The following RAB10 variants were observed in gnomAD, a reference collection of about 807,000 sequenced individuals.
The protein encoded by RAB10 is ras-related protein Rab-10.
Under a neutral mutation model 25.7 loss-of-function variants are expected in RAB10, and 5 were observed. The ratio of observed to expected loss-of-function variants is 0.19; its 90% CI spans 0.10 to 0.41. RAB10 has a LOEUF of 0.41. Among genes scored for constraint, RAB10 ranks in the 10% least tolerant of loss-of-function variants. RAB10 has a pLI of 1.00. For synonymous variants in RAB10, 89 were observed against 86.4 expected (o/e 1.03, Z -0.16); for missense variants, 103 against 245.8 (o/e 0.42, Z 3.89).
At chr2:26,078,617 G>GTT (rs1331606592) in intron 1 of RAB10, among the ~76,000 whole-genome samples, 2 of 152,116 alleles carry the variant, frequency 1.3e-5, no homozygotes, top group African/African-American at 2.4e-5. Context: ...AAAGAGGGGA[G>GTT]GGGTTGCGGA....
chr2:26,135,254 T>A lies in RAB10; in HGVS notation c.*233T>A, dbSNP rs1165787003. 2.2e-6 allele frequency: 1 copy of A among 456,070 alleles called. No homozygotes were observed. Among genetic ancestry groups the A allele is most frequent in the Non-Finnish European group, 3.9e-6 (1 of 256,234 alleles). 28.3% of individuals were successfully genotyped at this position (456,070 alleles called of 1,614,324 possible). ...TCATGTCTGTGAGTTCATTTTTAAA[T>A]GTACTTGCTCAGCTCAACTGCATTT... is the stretch of plus-strand genomic sequence containing the variant. On this transcript the variant is annotated 3_prime_UTR_variant, in exon 6 of 6. Coordinates refer to ENST00000264710, the MANE Select transcript of RAB10 (RefSeq NM_016131.5).
In RAB10 at chr2:26,062,511, C is replaced by T. The variant is rs184889025; in HGVS notation, c.127+27776C>T. Among the ~76,000 whole-genome samples the T allele has an allele frequency of 2.4e-4, 36 of 151,980 alleles. No individual in the cohort carries two copies. The East Asian group carries it at 6.6e-3, about 28-fold the overall frequency. ...TGGTCAACCTGGTGAGACCCCAACT[C>T]TACTAAAAATACAAAAATAAGCTGG... On this transcript the variant is annotated intron_variant, in intron 1 of 5. Coordinates refer to ENST00000264710, the MANE Select transcript of RAB10 (RefSeq NM_016131.5).
chr2:26,049,110 AAGTTTTAT>A (rs963272594), intron 1 of RAB10, among the ~76,000 whole-genome samples: 4 of 151,580 alleles, frequency 2.6e-5, no homozygotes, highest in African/African-American at 9.7e-5. Flanking sequence ...GTTTTCCTAA[AAGTTTTAT>A]AGTTTTATAT....
intron 2 of RAB10, among the ~76,000 whole-genome samples, chr2:26,104,799 G>A (rs1432121127): frequency 1.3e-5 from 2 of 150,232 alleles, no homozygotes; most frequent in African/African-American, 4.9e-5. Flanking sequence ...ATGCAGTGGC[G>A]CTATCTCGGC....
At chr2:26,096,682 C>G (rs2149279442) in intron 1 of RAB10, among the ~76,000 whole-genome samples, 1 of 152,190 alleles carries the variant, frequency 6.6e-6, no homozygotes, top group South Asian at 2.1e-4. Flanking sequence ...TGAAACAATG[C>G]TTGAATTTTG....
intron 1 of RAB10, among the ~76,000 whole-genome samples, chr2:26,047,346 C>G (rs1044857295): frequency 6.7e-6 from 1 of 150,340 alleles, no homozygotes; most frequent in African/African-American, 2.5e-5. Flanking sequence ...GGCTCCCCCC[C>G]ACCCCCCAAC....
chr2:26,086,441 C>T (rs1297643634), intron 1 of RAB10, among the ~76,000 whole-genome samples: 2 of 152,132 alleles, frequency 1.3e-5, no homozygotes, highest in Non-Finnish European at 2.9e-5. Flanking sequence ...TATTTAAAAA[C>T]ACAAAAGGAA....
chr2:26,039,047 T>G (rs1665828945), intron 1 of RAB10, among the ~76,000 whole-genome samples: 2 of 142,010 alleles, frequency 1.4e-5, no homozygotes, highest in East Asian at 2.2e-4. Flanking sequence ...AGATATAGAG[T>G]CTTGTTCTGT....
intron 2 of RAB10, among the ~76,000 whole-genome samples, chr2:26,109,157 G>A (rs935309322): frequency 1.3e-5 from 2 of 151,914 alleles, no homozygotes; most frequent in Non-Finnish European, 2.9e-5. Context: ...TGATCTACAC[G>A]CCTCAGCCTC....
At chr2:26,054,775 T>C (rs1218693937) in intron 1 of RAB10, among the ~76,000 whole-genome samples, 3 of 152,170 alleles carry the variant, frequency 2.0e-5, no homozygotes, top group Non-Finnish European at 4.4e-5. Context: ...TGTTTTTATA[T>C]CTCTCAAGAG....
Position 26,136,972 on chromosome 2 carries a change from T to G in RAB10, c.*1951T>G, listed in dbSNP as rs917169111. The G allele has an allele frequency of 3.9e-5, 6 of 152,672 alleles. No homozygotes were observed. The highest frequency in any genetic ancestry group is 7.3e-5 in the Non-Finnish European group (5 of 68,030). 9.5% of individuals were successfully genotyped at this position (152,672 alleles called of 1,614,324 possible). A position where few individuals can be genotyped will look rare whatever the true frequency, so the allele number is the denominator to read the frequency against. On this transcript the variant is annotated 3_prime_UTR_variant, in exon 6 of 6. Coordinates refer to ENST00000264710, the MANE Select transcript of RAB10 (RefSeq NM_016131.5). ...AAGTTTAGGTTAAACCTACTGTTGT[T>G]AGATTAATGTATTTGTTGCTTCCCT...
At chr2:26,034,863 T>C in intron 1 of RAB10, 128 bp downstream of exon 1, 10 of 1,366,624 alleles carry the variant, frequency 7.3e-6, no homozygotes, top group Non-Finnish European at 1.0e-5. Flanking sequence ...CACATCCAAG[T>C]TACTGTTTGA....
chr2:26,056,588 C>A (rs1574530666), intron 1 of RAB10, among the ~76,000 whole-genome samples: 1 of 152,120 alleles, frequency 6.6e-6, no homozygotes, highest in African/African-American at 2.4e-5. Context: ...GAGTACAATC[C>A]AGACTCAAAA....
chr2:26,063,531 A>C (rs916710687), intron 1 of RAB10, among the ~76,000 whole-genome samples: 15 of 152,220 alleles, frequency 9.9e-5, no homozygotes, highest in Admixed American at 9.8e-4. Flanking sequence ...CAAAACAAGA[A>C]CATTGTCTTA....
chr2:26,045,023 G>A (rs1308902037), intron 1 of RAB10, among the ~76,000 whole-genome samples: 1 of 151,212 alleles, frequency 6.6e-6, no homozygotes, highest in Non-Finnish European at 1.5e-5. Flanking sequence ...GGCACGAATA[G>A]GTAAGTAACA....
chr2:26,052,470 ATTTT>A (rs10712935), intron 1 of RAB10, among the ~76,000 whole-genome samples: 1 of 114,542 alleles, frequency 8.7e-6, no homozygotes. Flanking sequence ...CCGTGAGCCA[ATTTT>A]TTTTTTTTTT....
intron 1 of RAB10, among the ~76,000 whole-genome samples, chr2:26,060,410 A>G (rs548908993): frequency 1.0e-3 from 156 of 152,220 alleles, no homozygotes; most frequent in Middle Eastern, 3.4e-3. Context: ...CTCCTGCCTC[A>G]GCCTCCCGAG....
intron 1 of RAB10, among the ~76,000 whole-genome samples, chr2:26,064,376 G>C (rs1485469840): frequency 1.3e-5 from 2 of 152,102 alleles, no homozygotes; most frequent in East Asian, 3.9e-4. Context: ...CTGCCACCCA[G>C]GCTGGGATGC....
chr2:26,117,532 G>A lies in RAB10; in HGVS notation c.327+7626G>A, dbSNP rs568925370. On this transcript the variant is annotated intron_variant, in intron 3 of 5. Coordinates refer to ENST00000264710, the MANE Select transcript of RAB10 (RefSeq NM_016131.5). Reference sequence around the variant, plus strand: ...CAGGAGGCTGAGGCAGGAGAATGGCGTGAACCCAGGAGGCGGAGCTTGCAG... The same window carrying A: ...CAGGAGGCTGAGGCAGGAGAATGGCATGAACCCAGGAGGCGGAGCTTGCAG... Among the ~76,000 whole-genome samples the A allele has an allele frequency of 4.6e-3, 691 of 151,048 alleles. 6 individuals carry two copies. Among genetic ancestry groups the A allele is most frequent in the African/African-American group, 0.016 (664 of 41,130 alleles).
Sources: allele counts gnomAD v4.1 joint callset (sites outside exome capture counted in the v4.1 genomes callset), GRCh38; gene constraint gnomAD v4.1.1; transcripts MANE v1.5; gene names NCBI Gene and HGNC (gene_info 2026-07-23, HGNC 2026-07-21).